The following TUBGCP3 variants were observed in gnomAD, a reference collection of about 807,000 sequenced individuals.
TUBGCP3 encodes gamma-tubulin complex component 3.
A neutral mutation model predicts 123.1 loss-of-function variants in TUBGCP3; 50 were observed. That is an observed-to-expected ratio of 0.41 (90% confidence interval 0.32 to 0.51). The LOEUF is 0.51. Among genes scored for constraint, TUBGCP3 ranks in the 20% least tolerant of loss-of-function variants. The pLI, the probability that TUBGCP3 is intolerant of heterozygous loss-of-function variation, is 0.36. For synonymous variants in TUBGCP3, 405 were observed against 413.9 expected (o/e 0.98, Z 0.26); for missense variants, 882 against 1,127.0 (o/e 0.78, Z 3.11).
chr13:112,576,822 A>G (rs1881852095), intron 1 of TUBGCP3, among the ~76,000 whole-genome samples: 1 of 152,132 alleles, frequency 6.6e-6, no homozygotes, highest in South Asian at 2.1e-4. Context: ...ATAGACCTCA[A>G]ATCAATAATC....
intron 17 of TUBGCP3, among the ~76,000 whole-genome samples, chr13:112,506,721 A>C (rs1302566890): frequency 6.6e-6 from 1 of 152,226 alleles, no homozygotes; most frequent in Non-Finnish European, 1.5e-5. Flanking sequence ...TTCCCTACTA[A>C]AACTATAAAT....
intron 19 of TUBGCP3, among the ~76,000 whole-genome samples, chr13:112,500,820 C>T (rs1393272325): frequency 6.6e-6 from 1 of 152,242 alleles, no homozygotes; most frequent in Admixed American, 6.5e-5. Flanking sequence ...TGGACTAATA[C>T]TATTCTGCAA....
At chr13:112,523,339 T>C (rs1280659783) in intron 13 of TUBGCP3, among the ~76,000 whole-genome samples, 1 of 152,208 alleles carries the variant, frequency 6.6e-6, no homozygotes, top group Non-Finnish European at 1.5e-5. Flanking sequence ...CTATCTGAGT[T>C]ACCCAGTTTA....
At chr13:112,531,946 A>T (rs1877615367) in intron 11 of TUBGCP3, among the ~76,000 whole-genome samples, 1 of 152,202 alleles carries the variant, frequency 6.6e-6, no homozygotes, top group Non-Finnish European at 1.5e-5. Flanking sequence ...ATAAAACATA[A>T]TTGTACCATG....
intron 2 of TUBGCP3, among the ~76,000 whole-genome samples, chr13:112,565,999 C>T (rs929061473): frequency 6.6e-6 from 1 of 152,060 alleles, no homozygotes; most frequent in African/African-American, 2.4e-5. Flanking sequence ...GTCATACTCA[C>T]TGTTTCAAAA....
the TUBGCP3 span, among the ~76,000 whole-genome samples, chr13:112,598,625 A>G: frequency 4.6e-5 from 7 of 152,130 alleles, no homozygotes; most frequent in African/African-American, 1.7e-4. Context: ...GAAGAGTGAA[A>G]ATACTGATAA....
rs116584396 is a variant in TUBGCP3 at position 112,580,794 on chromosome 13, G to A, written c.76+7111C>T. 6.4e-3 allele frequency among the ~76,000 whole-genome samples: 975 copies of A among 152,244 alleles called. 9 individuals carry two copies. Among genetic ancestry groups the A allele is most frequent in the African/African-American group, 0.022 (907 of 41,550 alleles). On this transcript the variant is annotated intron_variant, in intron 1 of 21. Coordinates refer to ENST00000261965, the MANE Select transcript of TUBGCP3 (RefSeq NM_006322.6). ...GATCCAAGAGTTCAGGAATAGAAGC[G>A]TAAGAGAAATAAAGACATTTTCAGA...
At chr13:112,497,957 A>C (rs1204790741) in intron 20 of TUBGCP3, among the ~76,000 whole-genome samples, 2 of 152,230 alleles carry the variant, frequency 1.3e-5, no homozygotes, top group Non-Finnish European at 2.9e-5. Flanking sequence ...GAAATCCCAT[A>C]AACAGCCAAA....
intron 1 of TUBGCP3, among the ~76,000 whole-genome samples, chr13:112,578,772 G>A (rs1882058563): frequency 6.6e-6 from 1 of 151,900 alleles, no homozygotes; most frequent in Non-Finnish European, 1.5e-5. Flanking sequence ...ACTTAGCGAT[G>A]GCCCCCTGGA....
At chr13:112,584,669 A>G (rs1333069079) in intron 1 of TUBGCP3, among the ~76,000 whole-genome samples, 1 of 152,238 alleles carries the variant, frequency 6.6e-6, no homozygotes, top group Non-Finnish European at 1.5e-5. Flanking sequence ...TACTGTAGTC[A>G]TACCTGAACA....
chr13:112,597,626 C>CA, the TUBGCP3 span, among the ~76,000 whole-genome samples: 20 of 149,266 alleles, frequency 1.3e-4, no homozygotes, highest in African/African-American at 3.9e-4. Flanking sequence ...AGAACAACAA[C>CA]AAAAAAAAGC....
intron 18 of TUBGCP3, among the ~76,000 whole-genome samples, 188 bp from the exon 19 acceptor site, chr13:112,504,351 G>T (rs1163226069): frequency 6.6e-6 from 1 of 151,956 alleles, no homozygotes; most frequent in African/African-American, 2.4e-5. Context: ...AGCTGGGAGT[G>T]ATGGTGGGCC....
At chr13:112,536,190 C>CA in intron 11 of TUBGCP3, among the ~76,000 whole-genome samples, 1 of 152,334 alleles carries the variant, frequency 6.6e-6, no homozygotes, top group South Asian at 2.1e-4. Flanking sequence ...AAAATTTGTT[C>CA]AACTTTGTTC....
chr13:112,498,503 G>T (rs190766703), intron 20 of TUBGCP3, among the ~76,000 whole-genome samples: 52 of 152,332 alleles, frequency 3.4e-4, no homozygotes, highest in African/African-American at 1.2e-3. Flanking sequence ...TCCCACTTGT[G>T]ACGTCATGTC....
chr13:112,591,991 A>AAG (rs1192247580), upstream of TUBGCP3, among the ~76,000 whole-genome samples: 7 of 151,632 alleles, frequency 4.6e-5, no homozygotes, highest in Admixed American at 4.6e-4. Context: ...GAACCCAGAG[A>AAG]ACAGTGCATC....
chr13:112,520,787 T>C (rs772746156), intron 14 of TUBGCP3, among the ~76,000 whole-genome samples: 5 of 152,208 alleles, frequency 3.3e-5, no homozygotes, highest in Admixed American at 6.5e-5. Flanking sequence ...TACTGATATC[T>C]GCTTTTATAA....
intron 1 of TUBGCP3, among the ~76,000 whole-genome samples, chr13:112,579,157 AAC>A (rs113223786): frequency 5.3e-5 from 8 of 151,618 alleles, no homozygotes; most frequent in Non-Finnish European, 1.0e-4. Context: ...ATGAATGGCA[AAC>A]ACACACACAC....
At chr13:112,578,612 A>G (rs969323248) in intron 1 of TUBGCP3, among the ~76,000 whole-genome samples, 1 of 149,680 alleles carries the variant, frequency 6.7e-6, no homozygotes, top group African/African-American at 2.5e-5. Context: ...TATCTCAAGT[A>G]GCAGAGCAGA....
At chr13:112,572,418 C>T (rs1881478834) in intron 1 of TUBGCP3, among the ~76,000 whole-genome samples, 1 of 151,880 alleles carries the variant, frequency 6.6e-6, no homozygotes. Context: ...TCCCGCCCCT[C>T]ACCCCCCACC....
Sources: gnomAD v4.1 joint callset for allele counts (sites outside exome capture counted in the v4.1 genomes callset) on GRCh38, gnomAD v4.1.1 for gene constraint, MANE v1.5 for transcripts, NCBI Gene and HGNC (gene_info 2026-07-23, HGNC 2026-07-21) for gene names.